The following DDR2 variants were observed in gnomAD, a reference collection of about 807,000 sequenced individuals.
The protein encoded by DDR2 is discoidin domain receptor tyrosine kinase 2.
A neutral mutation model predicts 94.9 loss-of-function variants in DDR2; 27 were observed. That is an observed-to-expected ratio of 0.28 (90% CI 0.21 to 0.39). The LOEUF (loss-of-function observed/expected upper bound fraction) is 0.39, where lower values mean the gene tolerates loss of function less well. Ranked by LOEUF, DDR2 falls within the 10% of genes least tolerant of loss-of-function variation. The pLI is 1.00. For synonymous variants in DDR2, 382 were observed against 377.2 expected (o/e 1.01, Z -0.15); for missense variants, 783 against 1,076.0 (o/e 0.73, Z 3.81).
At chr1:162,692,193 C>A (rs943719067) in intron 2 of DDR2, among the ~76,000 whole-genome samples, 1 of 152,228 alleles carries the variant, frequency 6.6e-6, no homozygotes, top group African/African-American at 2.4e-5. Context: ...CTCCTCCCAC[C>A]ACCGTTTAGA....
At chr1:162,671,973 G>A (rs1372429895) in intron 2 of DDR2, among the ~76,000 whole-genome samples, 1 of 152,150 alleles carries the variant, frequency 6.6e-6, no homozygotes, top group Non-Finnish European at 1.5e-5. Flanking sequence ...TGGTCAGACT[G>A]TCTTGGTCAC....
chr1:162,662,021 G>A (rs749767214), intron 2 of DDR2, among the ~76,000 whole-genome samples: 3 of 152,196 alleles, frequency 2.0e-5, no homozygotes, highest in Non-Finnish European at 4.4e-5. Context: ...ACCAATTAAA[G>A]ATTGTAGGAG....
rs901066212 is a variant in DDR2, at chr1:162,785,826, A to G, written c.*5580A>G. On this transcript the variant is annotated 3_prime_UTR_variant, in exon 18 of 18. Transcript: ENST00000367921. Reference sequence around the variant, plus strand: ...TGTTTGTATACTTTTTGATGGAGAAATTGATCTATAGAACTGCTTAATTTT... The same window carrying G: ...TGTTTGTATACTTTTTGATGGAGAAGTTGATCTATAGAACTGCTTAATTTT... The G allele has an allele frequency of 1.3e-5, 2 of 152,216 alleles. No homozygotes were observed. The highest frequency in any genetic ancestry group is 4.8e-5 in the African/African-American group (2 of 41,454). 9.4% of individuals were successfully genotyped at this position (152,216 alleles called of 1,614,324 possible). A position where few individuals can be genotyped will look rare whatever the true frequency, so the allele number is the denominator to read the frequency against.
chr1:162,716,484 G>A (rs1437447685), intron 2 of DDR2, among the ~76,000 whole-genome samples: 2 of 152,156 alleles, frequency 1.3e-5, no homozygotes, highest in African/African-American at 4.8e-5. Flanking sequence ...TGTTTATTTA[G>A]GGACTTATTT....
In DDR2 at chr1:162,727,601, T is replaced by C. The variant is rs193147203; in HGVS notation, c.82+8456T>C. On this transcript the variant is annotated intron_variant, in intron 3 of 17. Transcript: ENST00000367921. ...CTGGGAGTTTCCTTGACTTCCTTTT[T>C]CCCCCTCCCTCTTCTTATTCATCAA... Among the ~76,000 whole-genome samples the C allele has an allele frequency of 9.2e-3, 1,371 of 149,504 alleles. 15 individuals carry two copies. Among genetic ancestry groups the C allele is most frequent in the East Asian group, 0.034 (177 of 5,158 alleles).
chr1:162,640,290 T>A (rs923439301), intron 1 of DDR2, among the ~76,000 whole-genome samples: 22 of 152,140 alleles, frequency 1.4e-4, no homozygotes, highest in African/African-American at 5.1e-4. Context: ...TCTGCCCCCC[T>A]CAGCCTCCCA....
At chr1:162,775,873 C>T (rs755903334) in intron 15 of DDR2, 30 bp downstream of exon 15, 5 of 1,612,906 alleles carry the variant, frequency 3.1e-6, no homozygotes, top group South Asian at 2.2e-5. Flanking sequence ...CTTCTCCTCC[C>T]TGTGGTCATG....
intron 2 of DDR2, among the ~76,000 whole-genome samples, chr1:162,658,441 C>G (rs1423256414): frequency 6.6e-6 from 1 of 152,102 alleles, no homozygotes; most frequent in Non-Finnish European, 1.5e-5. Flanking sequence ...TTTAGAAAGG[C>G]AAGCTCAGGA....
intron 2 of DDR2, among the ~76,000 whole-genome samples, chr1:162,703,095 A>T (rs1660504564): frequency 1.3e-5 from 2 of 152,262 alleles, no homozygotes; most frequent in South Asian, 2.1e-4. Context: ...AAAGCATAAA[A>T]TATAACTAGG....
chr1:162,664,780 G>C (rs1025654298), intron 2 of DDR2, among the ~76,000 whole-genome samples: 1 of 152,066 alleles, frequency 6.6e-6, no homozygotes, highest in Non-Finnish European at 1.5e-5. Flanking sequence ...AAAAATAAAT[G>C]AGTTACATAT....
chr1:162,777,343 AT>A, intron 16 of DDR2, among the ~76,000 whole-genome samples: 1 of 152,128 alleles, frequency 6.6e-6, no homozygotes. Context: ...CTCTATCTCT[AT>A]TTTTAACTTA....
rs1210771069 is a variant in DDR2, at chr1:162,761,112, C to T, written c.856-99C>T. The T allele has an allele frequency of 1.5e-5, 23 of 1,551,682 alleles. 1 individual carries two copies. Among genetic ancestry groups the T allele is most frequent in the Middle Eastern group, 4.5e-4 (2 of 4,408 alleles). On this transcript the variant is annotated intron_variant, in intron 8 of 17. Coordinates refer to ENST00000367921, the MANE Select transcript of DDR2 (RefSeq NM_006182.4). ...CCTCTTACCTCAGTTCAGAATAGCT[C>T]GAATCAGGGTAGACGGCAACTACTG...
At chr1:162,761,080 C>G (rs1403643648) in intron 8 of DDR2, 131 bp from the exon 9 acceptor site, 1 of 1,329,122 alleles carries the variant, frequency 7.5e-7, no homozygotes, top group Non-Finnish European at 1.1e-6. Flanking sequence ...AGCAGGATGG[C>G]AGTCTTCCTC....
Position 162,783,191 on chromosome 1 carries a change from G to A in DDR2, c.*2945G>A, listed in dbSNP as rs1023285190. On this transcript the variant is annotated 3_prime_UTR_variant, in exon 18 of 18. Coordinates refer to ENST00000367921, the MANE Select transcript of DDR2 (RefSeq NM_006182.4). ...TATGTGCAGATTGTGTTTTGGGATT[G>A]TCAGATCTAAACTTATATTCTTGCT... is the stretch of plus-strand genomic sequence containing the variant. 5 of 152,194 alleles carry A rather than the reference G, an allele frequency of 3.3e-5. No individual in the cohort carries two copies. The highest frequency in any genetic ancestry group is 1.2e-4 in the African/African-American group (5 of 41,450). 9.4% of individuals were successfully genotyped at this position (152,194 alleles called of 1,614,324 possible).
chr1:162,706,237 C>T (rs1057328146), intron 2 of DDR2, among the ~76,000 whole-genome samples: 1 of 152,178 alleles, frequency 6.6e-6, no homozygotes, highest in African/African-American at 2.4e-5. Flanking sequence ...CACTCATCTA[C>T]CCAGCACATT....
chr1:162,696,199 CT>C (rs34158006), intron 2 of DDR2, among the ~76,000 whole-genome samples: 6,366 of 112,582 alleles, frequency 0.057, 187 homozygotes, highest in African/African-American at 0.097. Context: ...GTTTCTTTTC[CT>C]TTTTTTTTTT....
At chr1:162,731,354 A>T (rs1239438028) in intron 3 of DDR2, among the ~76,000 whole-genome samples, 4 of 152,088 alleles carry the variant, frequency 2.6e-5, no homozygotes, top group Non-Finnish European at 5.9e-5. Context: ...TAGCTTATCT[A>T]ATTGTTCCTA....
chr1:162,652,027 C>T (rs1410489878), intron 1 of DDR2, among the ~76,000 whole-genome samples: 1 of 152,214 alleles, frequency 6.6e-6, no homozygotes. Context: ...CTAGTTGGAG[C>T]ATCATATGAT....
chr1:162,726,301 C>T (rs546156944), intron 3 of DDR2, among the ~76,000 whole-genome samples: 5 of 152,248 alleles, frequency 3.3e-5, no homozygotes, highest in Admixed American at 2.6e-4. Flanking sequence ...AATTATTTAA[C>T]TTAATTACTA....
Sources: gnomAD v4.1 joint callset for allele counts (sites outside exome capture counted in the v4.1 genomes callset) on GRCh38, gnomAD v4.1.1 for gene constraint, MANE v1.5 for transcripts, NCBI Gene and HGNC (gene_info 2026-07-23, HGNC 2026-07-21) for gene names.